Variants in NRXN1 observed in about 807,000 individuals in gnomAD.
The protein encoded by NRXN1 is neurexin 1.
A neutral mutation model predicts 150.9 loss-of-function variants in NRXN1; 39 were observed. The ratio of observed to expected loss-of-function variants is 0.26; its 90% confidence interval spans 0.20 to 0.34. The LOEUF (loss-of-function observed/expected upper bound fraction) is 0.34, where lower values mean the gene tolerates loss of function less well. Ranked by LOEUF, NRXN1 falls within the 10% of genes least tolerant of loss-of-function variation. The pLI is 1.00. For synonymous variants in NRXN1, 924 were observed against 757.0 expected, an observed-to-expected ratio of 1.22 and a Z score of -3.62; for missense variants, 1,815 against 1,949.9, an observed-to-expected ratio of 0.93 and a Z score of 1.30.
In NRXN1 at chr2:50,935,753, A is replaced by C. The variant is rs557540993; in HGVS notation, c.773-9798T>G. On this transcript the variant is annotated intron_variant, in intron 2 of 22. Coordinates refer to ENST00000401669, the MANE Select transcript of NRXN1 (RefSeq NM_001330078.2). ...AACAAAAAAGTAACCCGAATATGGA[A>C]TGGTAGAAAAGCAAAAGAAAAAAAA... Among the ~76,000 whole-genome samples the C allele has an allele frequency of 9.9e-5, 15 of 152,072 alleles. No homozygotes were observed. In the East Asian group the frequency reaches 2.7e-3, roughly 28 times the overall value.
chr2:50,778,521 CAA>C (rs1703947041), intron 5 of NRXN1, among the ~76,000 whole-genome samples: 1 of 152,084 alleles, frequency 6.6e-6, no homozygotes, highest in Admixed American at 6.5e-5. Flanking sequence ...CTTGGTGAGA[CAA>C]GAGGTAGTAA....
intron 5 of NRXN1, among the ~76,000 whole-genome samples, chr2:50,662,955 G>A (rs949284785): frequency 6.6e-6 from 1 of 151,914 alleles, no homozygotes; most frequent in Non-Finnish European, 1.5e-5. Context: ...ATTTGACCTG[G>A]CAAGACATCC....
At chr2:50,132,578 T>A (rs1574083199) in intron 18 of NRXN1, among the ~76,000 whole-genome samples, 1 of 152,146 alleles carries the variant, frequency 6.6e-6, no homozygotes, top group East Asian at 1.9e-4. Flanking sequence ...GCGCTGAGAT[T>A]ACAGGCATGA....
At chr2:50,872,913 G>A (rs952894957) in intron 5 of NRXN1, among the ~76,000 whole-genome samples, 2 of 151,846 alleles carry the variant, frequency 1.3e-5, no homozygotes, top group African/African-American at 4.8e-5. Flanking sequence ...GAAGCAGGAG[G>A]ATCATTTGAG....
At chr2:50,032,334 A>T (rs1161775334) in intron 21 of NRXN1, among the ~76,000 whole-genome samples, 1 of 152,080 alleles carries the variant, frequency 6.6e-6, no homozygotes, top group African/African-American at 2.4e-5. Flanking sequence ...CTATTGTGAT[A>T]CTGCTAGCAT....
intron 5 of NRXN1, among the ~76,000 whole-genome samples, chr2:50,786,544 G>A (rs1267148229): frequency 1.3e-5 from 2 of 151,966 alleles, no homozygotes; most frequent in African/African-American, 4.8e-5. Context: ...CCATTATAGC[G>A]CCATCAAGTG....
chr2:50,739,571 C>T (rs1699183930), intron 5 of NRXN1, among the ~76,000 whole-genome samples: 1 of 152,098 alleles, frequency 6.6e-6, no homozygotes, highest in Non-Finnish European at 1.5e-5. Context: ...ATTATCAGAC[C>T]TTACTAAATA....
intron 5 of NRXN1, among the ~76,000 whole-genome samples, chr2:50,741,642 C>A (rs933473446): frequency 2.6e-5 from 4 of 152,106 alleles, no homozygotes; most frequent in Non-Finnish European, 4.4e-5. Context: ...TCATGTTCAT[C>A]AGGAGGTTTT....
chr2:50,623,499 T>A lies in NRXN1; in HGVS notation c.949A>T (p.Arg317Trp). 6.2e-7 allele frequency: 1 copy of A among 1,613,456 alleles called. No homozygotes were observed. The highest frequency in any genetic ancestry group is 8.5e-7 in the Non-Finnish European group (1 of 1,179,516). The change falls in exon 6 of 23, where the codon AGG becomes TGG. Residue 317 changes from arginine to tryptophan, a missense_variant. This residue lies in a region of NRXN1 where 554 missense variants were observed against 478.8 expected (regional missense o/e 1.16). Coordinates refer to ENST00000401669, the MANE Select transcript of NRXN1 (RefSeq NM_001330078.2). ...EITLSFKTLQRNGLMLHTGKS... is the reference protein window; with the variant it reads ...EITLSFKTLQWNGLMLHTGKS... Reference sequence around the variant, plus strand: ...CCAGTGTGAAGCATCAGTCCATTCCTCTGAAGGGTTTTAAATGACAGAGTT... The same window carrying A: ...CCAGTGTGAAGCATCAGTCCATTCCACTGAAGGGTTTTAAATGACAGAGTT...
At chr2:50,212,246 A>C (rs946770793) in intron 18 of NRXN1, among the ~76,000 whole-genome samples, 1 of 151,500 alleles carries the variant, frequency 6.6e-6, no homozygotes, top group Admixed American at 6.6e-5. Context: ...AGAAGTAGAA[A>C]ATCAACAAGA....
At chr2:50,086,845 A>AGAGAGAGAGAGAGAGAAG (rs4032305) in intron 19 of NRXN1, among the ~76,000 whole-genome samples, 1,519 of 150,908 alleles carry the variant, frequency 0.01, 30 homozygotes, top group African/African-American at 0.035. Flanking sequence ...AGAGAGAGAG[A>AGAGAGAGAGAGAGAGAAG]GAGAGCGAGC....
chr2:50,606,519 T>C (rs984659578), intron 8 of NRXN1, among the ~76,000 whole-genome samples: 7 of 151,514 alleles, frequency 4.6e-5, no homozygotes, highest in Non-Finnish European at 1.0e-4. Context: ...AGAGATCTGC[T>C]GTATAACATT....
In NRXN1 at chr2:50,553,128, G is replaced by A. The variant is rs536694551; in HGVS notation, c.1321-103C>T. ...TCAACGACATCATAAAAAGGCACAC[G>A]ATATTTAGTTAATTTTGTTGTATAA... On this transcript the variant is annotated intron_variant, in intron 8 of 22. Transcript: ENST00000401669. 52 of 812,532 alleles carry A rather than the reference G, an allele frequency of 6.4e-5. 1 individual carries two copies. The highest frequency in any genetic ancestry group is 2.6e-4 in the Admixed American group (11 of 41,678). 50.3% of individuals were successfully genotyped at this position (812,532 alleles called of 1,614,324 possible).
chr2:50,477,521 A>C (rs1254734765), intron 15 of NRXN1, among the ~76,000 whole-genome samples: 3 of 152,154 alleles, frequency 2.0e-5, no homozygotes, highest in Non-Finnish European at 4.4e-5. Flanking sequence ...TCTTCACTTA[A>C]AATAGGAAGC....
At chr2:51,030,951 TA>T (rs1162846308) in intron 1 of NRXN1, among the ~76,000 whole-genome samples, 6 of 152,032 alleles carry the variant, frequency 3.9e-5, no homozygotes, top group African/African-American at 1.5e-4. Flanking sequence ...ATTGATCACA[TA>T]ACCTTTTTTC....
At chr2:50,044,105 C>T (rs967834834) in intron 21 of NRXN1, among the ~76,000 whole-genome samples, 2 of 152,162 alleles carry the variant, frequency 1.3e-5, no homozygotes, top group East Asian at 1.9e-4. Flanking sequence ...TTATTTGATA[C>T]TCTCAAAGAA....
intron 18 of NRXN1, among the ~76,000 whole-genome samples, chr2:50,131,931 G>A (rs1249770545): frequency 6.6e-6 from 1 of 152,054 alleles, no homozygotes; most frequent in Non-Finnish European, 1.5e-5. Context: ...AACAAGTATG[G>A]GGGAAAAAAA....
intron 5 of NRXN1, among the ~76,000 whole-genome samples, chr2:50,902,149 G>C (rs549609239): frequency 1.3e-5 from 2 of 152,158 alleles, no homozygotes; most frequent in Non-Finnish European, 2.9e-5. Flanking sequence ...TAGATGATGA[G>C]GAGTCTGAAA....
chr2:50,132,344 C>T (rs951271565), intron 18 of NRXN1, among the ~76,000 whole-genome samples: 3 of 142,966 alleles, frequency 2.1e-5, no homozygotes, highest in South Asian at 2.2e-4. Flanking sequence ...CTTGCTCTGT[C>T]GCCCAGGCTG....
Sources: gnomAD v4.1 joint callset for allele counts (sites outside exome capture counted in the v4.1 genomes callset) on GRCh38, gnomAD v4.1.1 for gene constraint, gnomAD v4.1.1 regional missense constraint, MANE v1.5 for transcripts, NCBI Gene and HGNC (gene_info 2026-07-23, HGNC 2026-07-21) for gene names.